Variants in CLEC4C observed in about 807,000 individuals in gnomAD.
The protein encoded by CLEC4C is C-type (calcium dependent, carbohydrate-recognition domain) lectin, superfamily member 11.
A neutral mutation model predicts 27.7 loss-of-function variants in CLEC4C; 17 were observed. That is an observed-to-expected ratio of 0.61 (90% CI 0.42 to 0.92). The LOEUF (loss-of-function observed/expected upper bound fraction) is 0.92, where lower values mean the gene tolerates loss of function less well. CLEC4C is among the 40% of genes least tolerant of loss of function. The pLI, the probability that CLEC4C is intolerant of heterozygous loss-of-function variation, is 0.00. For synonymous variants in CLEC4C, 80 were observed against 80.8 expected (o/e 0.99, Z 0.06); for missense variants, 244 against 257.3 (o/e 0.95, Z 0.35).
At position 7,729,406 on chromosome 12, in the gene CLEC4C, G is replaced by GAATGAATAAATGAATA. The variant is rs3834934; in HGVS notation, c.*174_*189dup. ...AATGTTCACTAAACACTCATTTTAT[G>GAATGAATAAATGAATA]AATGAATAAATGAATAAATGAATAA... On this transcript the variant is annotated 3_prime_UTR_variant, in exon 6 of 6. Transcript: ENST00000360345. 7 of 536,428 alleles carry GAATGAATAAATGAATA rather than the reference G, an allele frequency of 1.3e-5. No individual in the cohort carries two copies. Among genetic ancestry groups the GAATGAATAAATGAATA allele is most frequent in the East Asian group, 9.4e-5 (3 of 32,048 alleles). 33.2% of individuals were successfully genotyped at this position (536,428 alleles called of 1,614,324 possible).
chr12:7,733,875 GT>G (rs1450025987), intron 4 of CLEC4C, among the ~76,000 whole-genome samples: 1 of 151,342 alleles, frequency 6.6e-6, no homozygotes, highest in Admixed American at 6.6e-5. Context: ...ACACCCAGCC[GT>G]CATATATTTT....
chr12:7,735,624 G>A (rs1377161863), intron 4 of CLEC4C, among the ~76,000 whole-genome samples: 1 of 151,638 alleles, frequency 6.6e-6, no homozygotes, highest in Non-Finnish European at 1.5e-5. Flanking sequence ...GGCCAATATG[G>A]TGAAACCCCG....
Position 7,741,519 on chromosome 12 carries a change from A to G in CLEC4C, c.137T>C (p.Phe46Ser), listed in dbSNP as rs1370261103. 4.4e-6 allele frequency: 7 copies of G among 1,589,576 alleles called. No homozygotes were observed. Among genetic ancestry groups the G allele is most frequent in the Non-Finnish European group, 4.3e-6 (5 of 1,159,336 alleles). Residue 46 changes from phenylalanine (F) to serine (S), a missense_variant, in exon 3 of 6, where the codon TTT (phenylalanine) becomes TCT (serine). Physicochemically the swap from Phe to Ser is radical, Grantham distance 155. Coordinates refer to ENST00000360345, the MANE Select transcript of CLEC4C (RefSeq NM_001371390.1). ...CCTCTTGACAGTTTTGCTATACATA[A>G]AATTGTGAGGCACTGGGAAAGAGAA... ...FTVSSVVPHN[F>S]MYSKTVKRLS... is the part of the protein sequence containing the mutation.
intron 3 of CLEC4C, among the ~76,000 whole-genome samples, chr12:7,738,262 C>T (rs185010096): frequency 1.4e-4 from 21 of 152,154 alleles, no homozygotes; most frequent in Admixed American, 9.8e-4. Context: ...TTTTTCTTTT[C>T]GTTTGTAAAT....
intron 2 of CLEC4C, 98 bp downstream of exon 2, chr12:7,746,233 A>T: frequency 2.9e-6 from 2 of 696,956 alleles, no homozygotes; most frequent in Non-Finnish European, 4.7e-6. Flanking sequence ...AAAAAAAAAA[A>T]GAAAAAAAAA....
chr12:7,734,601 C>T lies in CLEC4C; in HGVS notation c.381+2828G>A, dbSNP rs138934894. 4.7e-3 allele frequency among the ~76,000 whole-genome samples: 691 copies of T among 146,410 alleles called. 4 individuals are homozygous for T. The highest frequency in any genetic ancestry group is 0.016 in the African/African-American group (647 of 39,452). On this transcript the variant is annotated intron_variant, in intron 4 of 5. Coordinates refer to ENST00000360345, the MANE Select transcript of CLEC4C (RefSeq NM_001371390.1). ...TTTTGCTTTTTCACCCAGACTGGAA[C>T]GAAGTGGCATGATCTTGGCTCACTG...
At chr12:7,737,062 C>G (rs1779918595) in intron 4 of CLEC4C, among the ~76,000 whole-genome samples, 1 of 152,032 alleles carries the variant, frequency 6.6e-6, no homozygotes, top group Admixed American at 6.6e-5. Context: ...GAAACCTCGT[C>G]TCTTCTAAAA....
intron 4 of CLEC4C, among the ~76,000 whole-genome samples, chr12:7,734,369 G>C (rs1453151655): frequency 1.3e-5 from 2 of 152,100 alleles, no homozygotes; most frequent in East Asian, 1.9e-4. Flanking sequence ...CCAAGAAAGA[G>C]GTAAGGGTAA....
At chr12:7,744,502 G>A (rs1425172246) in intron 2 of CLEC4C, among the ~76,000 whole-genome samples, 1 of 152,194 alleles carries the variant, frequency 6.6e-6, no homozygotes, top group Non-Finnish European at 1.5e-5. Flanking sequence ...TAGTAAACAA[G>A]AGAGTTGGGA....
upstream of CLEC4C, among the ~76,000 whole-genome samples, chr12:7,748,606 A>G (rs1310193984): frequency 6.6e-6 from 1 of 152,052 alleles, no homozygotes; most frequent in Non-Finnish European, 1.5e-5. Flanking sequence ...TCTAAGCTGT[A>G]TACTTGCTGA....
rs973476946 is a variant in CLEC4C, at chr12:7,741,448, A to C, written c.208T>G (p.Cys70Gly). 2 of 1,607,292 alleles carry C rather than the reference A, an allele frequency of 1.2e-6. No homozygotes were observed. Among genetic ancestry groups the C allele is most frequent in the Non-Finnish European group, 1.7e-6 (2 of 1,173,634 alleles). Residue 70 changes from cysteine to glycine, a missense_variant, in exon 3 of 6, where the codon TGC becomes GGC. Cys to Gly is a radical substitution (Grantham distance 159, BLOSUM62 -3). Coordinates refer to ENST00000360345, the MANE Select transcript of CLEC4C (RefSeq NM_001371390.1). The stretch of plus-strand genomic sequence containing the variant: ...TCTATGTCCTTTCCTTCCATGACGC[A>C]GGTCAGGCTTGGATGATACTGTTGA... The part of the protein sequence containing the change: ...EYQQYHPSLT[C>G]VMEGKDIEDW...
chr12:7,743,654 G>A (rs933008004), intron 2 of CLEC4C, among the ~76,000 whole-genome samples: 2 of 151,910 alleles, frequency 1.3e-5, no homozygotes, highest in Middle Eastern at 3.4e-3. Flanking sequence ...GAGCCACCAC[G>A]CCCGGCCTTA....
rs141171480 is a variant in CLEC4C, at chr12:7,734,466, A to G, written c.381+2963T>C. Among the ~76,000 whole-genome samples, 704 of 152,280 alleles carry G rather than the reference A, an allele frequency of 4.6e-3. 4 individuals carry two copies. The highest frequency in any genetic ancestry group is 0.016 in the African/African-American group (667 of 41,566). ...AGAAATTTCAAGCCCTGAAATTGCCATAATGTACTGTAGGACTTGTGCCAA... is the reference window on the plus strand; with the variant it reads ...AGAAATTTCAAGCCCTGAAATTGCCGTAATGTACTGTAGGACTTGTGCCAA... On this transcript the variant is annotated intron_variant, in intron 4 of 5. Transcript: ENST00000360345.
At chr12:7,746,295 G>A in intron 2 of CLEC4C, 36 bp downstream of exon 2, 1 of 1,177,032 alleles carries the variant, frequency 8.5e-7, no homozygotes, top group Non-Finnish European at 1.3e-6. Context: ...TTGGGAAAAG[G>A]ACCAAGAGAT....
At chr12:7,740,558 G>A (rs1021992687) in intron 3 of CLEC4C, among the ~76,000 whole-genome samples, 2 of 151,666 alleles carry the variant, frequency 1.3e-5, no homozygotes, top group East Asian at 2.0e-4. Context: ...AAAATTAGCC[G>A]GGCCTGGCAG....
upstream of CLEC4C, among the ~76,000 whole-genome samples, chr12:7,748,889 G>A (rs1565465899): frequency 6.6e-6 from 1 of 152,232 alleles, no homozygotes; most frequent in South Asian, 2.1e-4. Context: ...TGTAGGCCCA[G>A]CTCAGGTGAC....
At chr12:7,735,863 AT>A (rs1821789878) in intron 4 of CLEC4C, among the ~76,000 whole-genome samples, 1 of 152,184 alleles carries the variant, frequency 6.6e-6, no homozygotes, top group African/African-American at 2.4e-5. Context: ...AGTGTTGAAC[AT>A]TATAAAGTTT....
chr12:7,747,403 G>T (rs143782343), upstream of CLEC4C: 1,136 of 1,564,686 alleles, frequency 7.3e-4, 5 homozygotes, highest in African/African-American at 0.012. Context: ...AGAAGCTCTT[G>T]TATCACTTTC....
intron 2 of CLEC4C, among the ~76,000 whole-genome samples, 192 bp downstream of exon 2, chr12:7,746,139 C>G (rs775951001): frequency 6.8e-6 from 1 of 146,840 alleles, no homozygotes; most frequent in South Asian, 2.2e-4. Context: ...GGCATGAACC[C>G]GGGAGGTGAG....
Sources: gnomAD v4.1 joint callset for allele counts (sites outside exome capture counted in the v4.1 genomes callset) on GRCh38, gnomAD v4.1.1 for gene constraint, MANE v1.5 for transcripts, NCBI Gene and HGNC (gene_info 2026-07-23, HGNC 2026-07-21) for gene names.